Variants in CIROZ observed in about 807,000 individuals in gnomAD.
CIROZ encodes ciliated left-right organizer ZP-N domains-containing protein.
chr1:10,981,473 GGA>G, the CIROZ span, among the ~76,000 whole-genome samples: 8 of 150,432 alleles, frequency 5.3e-5, no homozygotes, highest in Non-Finnish European at 8.9e-5. Flanking sequence ...AGACAGAGAG[GGA>G]GAGAGAGAGA....
chr1:10,960,047 C>T, the CIROZ span, among the ~76,000 whole-genome samples: 3 of 152,122 alleles, frequency 2.0e-5, no homozygotes, highest in Non-Finnish European at 4.4e-5. The surrounding 1 kb of genome is among the most constrained non-coding windows in gnomAD (Gnocchi z 4.6). Context: ...GACAGAGAGG[C>T]CCCCAGAGGC....
the CIROZ span, among the ~76,000 whole-genome samples, chr1:10,959,246 C>T: frequency 6.6e-5 from 10 of 152,306 alleles, no homozygotes; most frequent in African/African-American, 2.4e-4. This position sits in a 1 kb window ranked among gnomAD's most constrained non-coding sequence, Gnocchi z 4.3. Flanking sequence ...CCAACCATCC[C>T]GGTTCCCCAG....
At chr1:10,948,926 CAAAG>C in the CIROZ span, 2 of 1,350,576 alleles carry the variant, frequency 1.5e-6, no homozygotes, top group Non-Finnish European at 2.0e-6. Context: ...AATCTCAACC[CAAAG>C]ATGGGTTCGA....
the CIROZ span, chr1:10,948,818 T>C: frequency 1.5e-5 from 23 of 1,511,124 alleles, no homozygotes; most frequent in Admixed American, 4.5e-5. Context: ...CCGGTTTGGC[T>C]GTTTGCAGGA....
At chr1:10,970,217 G>A in the CIROZ span, 3 of 892,488 alleles carry the variant, frequency 3.4e-6, no homozygotes, top group Non-Finnish European at 5.0e-6. Context: ...CAATGGAATA[G>A]TCAGGAAAGG....
At chr1:10,947,734 T>G in the CIROZ span, 1 of 1,573,792 alleles carries the variant, frequency 6.4e-7, no homozygotes, top group Non-Finnish European at 8.6e-7. Context: ...CTTTCAGCAC[T>G]GAGGGCCAAG....
chr1:10,966,510 G>T, the CIROZ span: 10 of 1,514,566 alleles, frequency 6.6e-6, no homozygotes, highest in Non-Finnish European at 8.8e-6. Context: ...CAGAAACGTG[G>T]GTTGAGCCTG....
the CIROZ span, among the ~76,000 whole-genome samples, chr1:10,962,765 G>T: frequency 6.6e-6 from 1 of 152,226 alleles, no homozygotes. Flanking sequence ...CTATGAAGGT[G>T]AGATGAGTTA....
chr1:10,955,176 C>G, the CIROZ span: 2 of 1,602,278 alleles, frequency 1.2e-6, no homozygotes, highest in South Asian at 2.2e-5. Context: ...CCGACTCTGG[C>G]TGGAATGACA....
the CIROZ span, chr1:10,947,514 T>C: frequency 6.4e-6 from 4 of 624,318 alleles, no homozygotes; most frequent in Non-Finnish European, 9.8e-6. Context: ...CTGAGCACAG[T>C]GATCATCTGG....
the CIROZ span, chr1:10,956,982 A>T: frequency 6.7e-7 from 1 of 1,502,132 alleles, no homozygotes; most frequent in Non-Finnish European, 9.0e-7. Flanking sequence ...GAATGTGATG[A>T]AGTTGGAAAG....
the CIROZ span, among the ~76,000 whole-genome samples, chr1:10,980,969 A>G: frequency 6.6e-6 from 1 of 152,240 alleles, no homozygotes; most frequent in African/African-American, 2.4e-5. Flanking sequence ...CATTGTCTAC[A>G]GACTTCAACC....
the CIROZ span, among the ~76,000 whole-genome samples, chr1:10,975,427 A>C: frequency 1.5e-4 from 22 of 150,816 alleles, no homozygotes; most frequent in South Asian, 3.0e-3. Flanking sequence ...AAAAAAAAAA[A>C]AAAACACAAA....
chr1:10,962,651 A>T, the CIROZ span, among the ~76,000 whole-genome samples: 1 of 152,256 alleles, frequency 6.6e-6, no homozygotes, highest in Non-Finnish European at 1.5e-5. Context: ...TCTGGCTCAA[A>T]GCCCAGCTCT....
At chr1:10,955,237 G>A in the CIROZ span, 54 of 1,514,572 alleles carry the variant, frequency 3.6e-5, no homozygotes, top group Middle Eastern at 1.8e-4. Context: ...TTGCAGGCTC[G>A]TGGACAAATT....
At chr1:10,980,865 T>C in the CIROZ span, among the ~76,000 whole-genome samples, 10 of 152,216 alleles carry the variant, frequency 6.6e-5, no homozygotes, top group Non-Finnish European at 1.2e-4. Context: ...TCATGGGGCA[T>C]CCAGGAGAAG....
the CIROZ span, among the ~76,000 whole-genome samples, chr1:10,978,424 T>C: frequency 6.6e-6 from 1 of 150,620 alleles, no homozygotes; most frequent in Non-Finnish European, 1.5e-5. Context: ...TGTCACGGAG[T>C]CCCGCTGGGC....
At chr1:10,954,181 C>A in the CIROZ span, 2 of 1,591,932 alleles carry the variant, frequency 1.3e-6, no homozygotes, top group East Asian at 4.6e-5. Flanking sequence ...ATTGGCTGGG[C>A]GCAGTGGCTC....
At chr1:10,969,098 G>T in the CIROZ span, among the ~76,000 whole-genome samples, 2 of 152,212 alleles carry the variant, frequency 1.3e-5, no homozygotes, top group East Asian at 3.9e-4. Flanking sequence ...AGGCCCTACC[G>T]GTCCCAGAAG....
Sources: allele counts gnomAD v4.1 joint callset (sites outside exome capture counted in the v4.1 genomes callset), GRCh38; gene constraint gnomAD v4.1.1; non-coding constraint Gnocchi (gnomAD v3.1); transcripts MANE v1.5; gene names NCBI Gene and HGNC (gene_info 2026-07-23, HGNC 2026-07-21).